The following SLIT3 variants were observed in gnomAD, a reference collection of about 807,000 sequenced individuals.
SLIT3 encodes slit guidance ligand 3, also known as slit homolog 3 protein.
SLIT3 carries 68 observed loss-of-function variants against 184.0 expected under a neutral mutation model. The observed-to-expected ratio is 0.37, with a 90% confidence interval of 0.30 to 0.45. The LOEUF is 0.45. Among genes scored for constraint, SLIT3 ranks in the 20% least tolerant of loss-of-function variants. The pLI, the probability that SLIT3 is intolerant of heterozygous loss-of-function variation, is 1.00. For missense variants in SLIT3, 1,707 were observed against 2,026.0 expected, an observed-to-expected ratio of 0.84 and a Z score of 3.02; for synonymous variants, 831 against 828.6, an observed-to-expected ratio of 1.00 and a Z score of -0.05.
chr5:168,951,129 A>C (rs1290341732), intron 4 of SLIT3, among the ~76,000 whole-genome samples: 1 of 152,214 alleles, frequency 6.6e-6, no homozygotes, highest in Non-Finnish European at 1.5e-5. Flanking sequence ...ATGAGGCAGG[A>C]GAATTGCTTG....
At chr5:169,003,764 C>G (rs1275851227) in intron 4 of SLIT3, among the ~76,000 whole-genome samples, 1 of 152,122 alleles carries the variant, frequency 6.6e-6, no homozygotes, top group Non-Finnish European at 1.5e-5. Context: ...CCAGATATAA[C>G]AAGAATAAAT....
Position 169,134,314 on chromosome 5 carries a change from C to G in SLIT3, c.413+59165G>C, listed in dbSNP as rs554043898. 1.6e-3 allele frequency among the ~76,000 whole-genome samples: 250 copies of G among 152,340 alleles called. 1 individual carries two copies. Among genetic ancestry groups the G allele is most frequent in the African/African-American group, 5.8e-3 (243 of 41,584 alleles). ...GGCCCCTCGGTCTCTTTGCAACCAC[C>G]TGGGGCCTCTGTCCCTCTCACATGC... On this transcript the variant is annotated intron_variant, in intron 4 of 35. Coordinates refer to ENST00000519560, the MANE Select transcript of SLIT3 (RefSeq NM_003062.4).
At chr5:169,225,769 G>T (rs954312964) in intron 3 of SLIT3, among the ~76,000 whole-genome samples, 3 of 152,230 alleles carry the variant, frequency 2.0e-5, no homozygotes, top group African/African-American at 7.2e-5. Context: ...GGTGACACTA[G>T]AGAGGGAGGC....
At chr5:169,225,470 G>C (rs781744951) in intron 3 of SLIT3, among the ~76,000 whole-genome samples, 1 of 152,180 alleles carries the variant, frequency 6.6e-6, no homozygotes, top group Non-Finnish European at 1.5e-5. Flanking sequence ...TGTGGGTTCC[G>C]GCCAGGCACG....
chr5:169,014,044 C>T (rs923530716), intron 4 of SLIT3, among the ~76,000 whole-genome samples: 7 of 152,044 alleles, frequency 4.6e-5, no homozygotes, highest in Non-Finnish European at 8.8e-5. Flanking sequence ...TGAGGTCTGC[C>T]TGCCTGGTAT....
chr5:169,272,281 A>T (rs764270789), intron 1 of SLIT3, among the ~76,000 whole-genome samples: 56 of 152,202 alleles, frequency 3.7e-4, no homozygotes, highest in Non-Finnish European at 5.6e-4. Context: ...GCCTAGTTCT[A>T]CTCTGGAGAT....
At chr5:168,925,453 T>A (rs1761785286) in intron 4 of SLIT3, among the ~76,000 whole-genome samples, 1 of 152,022 alleles carries the variant, frequency 6.6e-6, no homozygotes, top group Non-Finnish European at 1.5e-5. Context: ...AGCAAGAGGG[T>A]TCCCTGGCAG....
chr5:168,917,485 C>T lies in SLIT3; in HGVS notation c.414-34149G>A, dbSNP rs62377190. 6.8e-3 allele frequency among the ~76,000 whole-genome samples: 1,032 copies of T among 152,268 alleles called. 4 individuals are homozygous for T. Among genetic ancestry groups the T allele is most frequent in the Middle Eastern group, 0.017 (5 of 294 alleles). On this transcript the variant is annotated intron_variant, in intron 4 of 35. Coordinates refer to ENST00000519560, the MANE Select transcript of SLIT3 (RefSeq NM_003062.4). ...CCTTGTTTTTTATTGATATTCCATG[C>T]TGAGGAATTCCAACCAGTACTCCAA...
intron 4 of SLIT3, among the ~76,000 whole-genome samples, chr5:169,184,006 C>T (rs1763251199): frequency 6.6e-6 from 1 of 152,244 alleles, no homozygotes; most frequent in Non-Finnish European, 1.5e-5. Flanking sequence ...TTAGAAAACT[C>T]TTCTGCTGGC....
chr5:168,904,567 G>A (rs1315878978), intron 4 of SLIT3, among the ~76,000 whole-genome samples: 3 of 151,920 alleles, frequency 2.0e-5, no homozygotes, highest in Admixed American at 2.0e-4. Flanking sequence ...AAGCCTTTTG[G>A]CATAGCCTTC....
chr5:168,679,420 T>G (rs1446920443), intron 32 of SLIT3, among the ~76,000 whole-genome samples: 1 of 152,150 alleles, frequency 6.6e-6, no homozygotes, highest in Non-Finnish European at 1.5e-5. Context: ...CCAGGCATTG[T>G]GCTACCCTAT....
rs552930021 is a variant in SLIT3 at position 168,753,124 on chromosome 5, A to G, written c.1830-26T>C. On this transcript the variant is annotated intron_variant, in intron 17 of 35. Transcript: ENST00000519560. ...CTACAGGGAGAGGGGTGGGGATGAG[A>G]GAGCACAGGCATGATCTTTTCTGTC... 8.1e-6 allele frequency: 13 copies of G among 1,612,870 alleles called. No homozygotes were observed. In the South Asian group the frequency reaches 1.4e-4, roughly 18 times the overall value.
At chr5:168,789,652 G>T in intron 10 of SLIT3, 21 bp from the exon 11 acceptor site, 1 of 1,602,228 alleles carries the variant, frequency 6.2e-7, no homozygotes, top group Non-Finnish European at 8.5e-7. Context: ...TAACGGTAAA[G>T]TCTGAGAACA....
chr5:169,129,129 G>A (rs576248123), intron 4 of SLIT3, among the ~76,000 whole-genome samples: 2 of 152,260 alleles, frequency 1.3e-5, no homozygotes, highest in South Asian at 2.1e-4. Context: ...CACCTGGCCC[G>A]AAAGGCCATG....
rs1016874337 is a variant in SLIT3 at position 169,223,474 on chromosome 5, CA to C, written c.341+21230del. On this transcript the variant is annotated intron_variant, in intron 3 of 35. Transcript: ENST00000519560. ...AGCGTAGGTGTCCTGCCAAGTCAAACAAAAGTGATAGAGACGTGCAGTTAGG... is the reference window on the plus strand; with the variant it reads ...AGCGTAGGTGTCCTGCCAAGTCAAACAAAGTGATAGAGACGTGCAGTTAGG... Among the ~76,000 whole-genome samples the C allele has an allele frequency of 1.1e-4, 16 of 152,288 alleles. 1 individual carries two copies. The highest frequency in any genetic ancestry group is 3.9e-4 in the African/African-American group (16 of 41,558).
intron 6 of SLIT3, among the ~76,000 whole-genome samples, chr5:168,832,811 A>T (rs760306136): frequency 3.9e-5 from 6 of 152,218 alleles, no homozygotes; most frequent in Non-Finnish European, 5.9e-5. Context: ...ATTGGCAGCT[A>T]AAACACCTTG....
intron 35 of SLIT3, among the ~76,000 whole-genome samples, chr5:168,668,495 C>T (rs1761126394): frequency 1.3e-5 from 2 of 152,202 alleles, no homozygotes; most frequent in Non-Finnish European, 2.9e-5. Context: ...CATGTGTTCT[C>T]CCTGCAGAGG....
chr5:169,091,775 C>T (rs1221354457), intron 4 of SLIT3, among the ~76,000 whole-genome samples: 2 of 152,164 alleles, frequency 1.3e-5, no homozygotes, highest in Admixed American at 6.5e-5. Context: ...GAAGCTGGAC[C>T]GGCCTGATAA....
intron 33 of SLIT3, among the ~76,000 whole-genome samples, chr5:168,672,352 T>C (rs1761281118): frequency 6.6e-6 from 1 of 152,212 alleles, no homozygotes; most frequent in Non-Finnish European, 1.5e-5. Flanking sequence ...GGGTAAAGTC[T>C]TGGGAATCTT....
Sources: allele counts gnomAD v4.1 joint callset (sites outside exome capture counted in the v4.1 genomes callset), GRCh38; gene constraint gnomAD v4.1.1; transcripts MANE v1.5; gene names NCBI Gene and HGNC (gene_info 2026-07-23, HGNC 2026-07-21).